The following KCNV2 variants were observed in gnomAD, a reference collection of about 807,000 sequenced individuals.
KCNV2 encodes the protein potassium voltage-gated channel modifier subfamily V member 2.
In KCNV2, 65 loss-of-function variants were observed where a neutral mutation model predicts 37.0. That is an observed-to-expected ratio of 1.76 (90% CI 1.44 to 2.16). KCNV2 has a LOEUF of 2.16. Among genes scored for constraint, KCNV2 ranks in the 30% most tolerant of loss-of-function variants. KCNV2 has a pLI of 0.00. For missense variants in KCNV2, 1,232 were observed against 766.7 expected (o/e 1.61, Z -7.17); for synonymous variants, 518 against 328.6 (o/e 1.58, Z -6.23).
rs1239404643 is a variant in KCNV2, at chr9:2,718,222, C to G, written c.483C>G (p.Val161=). 7 of 1,613,426 alleles carry G rather than the reference C, an allele frequency of 4.3e-6. No individual in the cohort carries two copies. The highest frequency in any genetic ancestry group is 1.6e-4 in the Middle Eastern group (1 of 6,084). The part of the protein sequence containing the change: ...FDRDPAVFQL[V]YNFYLSGVLL... ...GCGACCCGGCCGTCTTCCAGCTGGT[C>G]TACAATTTCTACCTGTCCGGGGTGC... The change falls in exon 1 of 2, where the codon GTC becomes GTG. Residue 161 remains valine (V), a synonymous_variant. Transcript: ENST00000382082.
At position 2,717,823 on chromosome 9, in the gene KCNV2, G is replaced by T. The variant is rs781326115; in HGVS notation, c.84G>T (p.Arg28Ser). The T allele has an allele frequency of 7.4e-6, 12 of 1,614,132 alleles. No homozygotes were observed. In the South Asian group the frequency reaches 7.7e-5, roughly 10 times the overall value. ...AGAATGAGGGCAGCCAACACCGCAG[G>T]AGCATTTGCTCCCTGGGTGCCCGTT... is the stretch of plus-strand genomic sequence containing the variant. Reference protein sequence around the residue: ...TTENEGSQHRRSICSLGARSG... With the variant: ...TTENEGSQHRSSICSLGARSG... Residue 28 changes from arginine to serine, a missense_variant, in exon 1 of 2, where the codon AGG (arginine) becomes AGT (serine). Arg to Ser is a moderately radical substitution (Grantham distance 110). Transcript: ENST00000382082.
rs751529297 is a variant in KCNV2, at chr9:2,718,178, G to A, written c.439G>A (p.Asp147Asn). 1.9e-6 allele frequency: 3 copies of A among 1,613,328 alleles called. No individual in the cohort carries two copies. The highest frequency in any genetic ancestry group is 2.2e-5 in the South Asian group (2 of 90,946). ...SLCDDYEEQT[D>N]EYFFDRDPAV... is the part of the protein sequence containing the mutation. Reference sequence around the variant, plus strand: ...GTGCGACGACTACGAGGAGCAGACAGACGAATACTTCTTCGACCGCGACCC... The same window carrying A: ...GTGCGACGACTACGAGGAGCAGACAAACGAATACTTCTTCGACCGCGACCC... Residue 147 changes from aspartate to asparagine, a missense_variant, in exon 1 of 2, where the codon GAC becomes AAC. By Grantham distance (23) the Asp-to-Asn change is conservative (BLOSUM62 1). Coordinates refer to ENST00000382082, the MANE Select transcript of KCNV2 (RefSeq NM_133497.4).
chr9:2,724,675 G>A (rs546405000), intron 1 of KCNV2, among the ~76,000 whole-genome samples: 1 of 152,346 alleles, frequency 6.6e-6, no homozygotes, highest in Admixed American at 6.5e-5. Flanking sequence ...AAAAATGCCT[G>A]AACCATAGCT....
At chr9:2,725,373 G>C (rs1041694937) in intron 1 of KCNV2, among the ~76,000 whole-genome samples, 4 of 152,180 alleles carry the variant, frequency 2.6e-5, no homozygotes, top group Non-Finnish European at 5.9e-5. Flanking sequence ...TACCTTCAGA[G>C]TTTGTGACAC....
chr9:2,728,815 A>AT (rs767723433), intron 1 of KCNV2, among the ~76,000 whole-genome samples: 3 of 151,476 alleles, frequency 2.0e-5, no homozygotes, highest in Non-Finnish European at 4.4e-5. Flanking sequence ...TCAGTGCTTT[A>AT]TATTCATTTT....
chr9:2,728,058 T>C (rs1586692056), intron 1 of KCNV2, among the ~76,000 whole-genome samples: 1 of 152,304 alleles, frequency 6.6e-6, no homozygotes, highest in East Asian at 1.9e-4. Flanking sequence ...CCTTCCTTTT[T>C]TCGTGGGCTG....
Position 2,717,613 on chromosome 9 carries a change from T to C in KCNV2, c.-127T>C. 1 of 1,221,888 alleles carries C rather than the reference T, an allele frequency of 8.2e-7. No homozygotes were observed. The highest frequency in any genetic ancestry group is 1.3e-5 in the South Asian group (1 of 78,818). The allele number at this position is 1,221,888 out of a possible 1,614,324, so 75.7% of individuals were successfully genotyped here. A position where few individuals can be genotyped will look rare whatever the true frequency, so the allele number is the denominator to read the frequency against. ...GTGGCAATGTCTGAGCCCCTAGCTG[T>C]GCTGGTCCGGGCTGGCCTCTCTAAG... On this transcript the variant is annotated 5_prime_UTR_variant, in exon 1 of 2. Transcript: ENST00000382082.
intron 1 of KCNV2, among the ~76,000 whole-genome samples, chr9:2,721,913 G>A (rs796506327): frequency 1.2e-4 from 18 of 152,064 alleles, no homozygotes; most frequent in African/African-American, 2.9e-4. Context: ...AATCTGAGAA[G>A]AGGATTCCTA....
rs539795846 is a variant in KCNV2 at position 2,720,567 on chromosome 9, C to T, written c.1356+1472C>T. Reference sequence around the variant, plus strand: ...ATAAACCATGTGTACAGATGAGGCTCATGGTTGATGATTTGTCCCCAGCAA... The same window carrying T: ...ATAAACCATGTGTACAGATGAGGCTTATGGTTGATGATTTGTCCCCAGCAA... On this transcript the variant is annotated intron_variant, in intron 1 of 1. Coordinates refer to ENST00000382082, the MANE Select transcript of KCNV2 (RefSeq NM_133497.4). 2.0e-5 allele frequency: 3 copies of T among 152,296 alleles called. No individual in the cohort carries two copies. In the East Asian group the frequency reaches 5.8e-4, roughly 29 times the overall value. 9.4% of individuals were successfully genotyped at this position (152,296 alleles called of 1,614,324 possible).
chr9:2,728,802 T>G (rs1820010005), intron 1 of KCNV2, among the ~76,000 whole-genome samples: 1 of 152,032 alleles, frequency 6.6e-6, no homozygotes, highest in East Asian at 1.9e-4. Flanking sequence ...CCTGGTACTG[T>G]GTTCAGTGCT....
In KCNV2 at chr9:2,717,881, G is replaced by C. The variant is rs748514237; in HGVS notation, c.142G>C (p.Glu48Gln). ...CCAGGCCAGCATCCACGGCTGGACAGAGGGCAACTATAACTACTACATCGA... is the reference window on the plus strand; with the variant it reads ...CCAGGCCAGCATCCACGGCTGGACACAGGGCAACTATAACTACTACATCGA... ...GSQASIHGWTEGNYNYYIEED... is the reference protein window; with the variant it reads ...GSQASIHGWTQGNYNYYIEED... Residue 48 changes from glutamate (E) to glutamine (Q), a missense_variant, in exon 1 of 2, where the codon GAG (glutamate) becomes CAG (glutamine). By Grantham distance (29) the Glu-to-Gln change is conservative (BLOSUM62 2). Coordinates refer to ENST00000382082, the MANE Select transcript of KCNV2 (RefSeq NM_133497.4). 5 of 1,614,104 alleles carry C rather than the reference G, an allele frequency of 3.1e-6. No individual in the cohort carries two copies. The Admixed American group carries it at 6.7e-5, about 22-fold the overall frequency.
chr9:2,718,517 A>G lies in KCNV2; in HGVS notation c.778A>G (p.Lys260Glu), dbSNP rs139027297. The G allele has an allele frequency of 1.5e-5, 24 of 1,610,968 alleles. No homozygotes were observed. Among genetic ancestry groups the G allele is most frequent in the Admixed American group, 5.0e-5 (3 of 59,760 alleles). The change falls in exon 1 of 2, where the codon AAG (lysine) becomes GAG (glutamate). Residue 260 changes from lysine (K) to glutamate (E), a missense_variant. Coordinates refer to ENST00000382082, the MANE Select transcript of KCNV2 (RefSeq NM_133497.4). ...GAAGCCATTCTCCTCGGTGGCCGCCAAGGCCATCGGGGTGGCCTCCAGCAC... is the reference window on the plus strand; with the variant it reads ...GAAGCCATTCTCCTCGGTGGCCGCCGAGGCCATCGGGGTGGCCTCCAGCAC... ...MEKPFSSVAA[K>E]AIGVASSTFV... is the part of the protein sequence containing the mutation.
chr9:2,717,559 T>C lies in KCNV2; in HGVS notation c.-181T>C, dbSNP rs1366343828. On this transcript the variant is annotated 5_prime_UTR_variant, in exon 1 of 2. Coordinates refer to ENST00000382082, the MANE Select transcript of KCNV2 (RefSeq NM_133497.4). ...TCAGACCCTGCAGGCTGGGCTGGCC[T>C]GCCCAGGACCTGAGAAGGGGCAGCT... is the stretch of plus-strand genomic sequence containing the variant. 8.6e-6 allele frequency: 6 copies of C among 699,060 alleles called. No homozygotes were observed. In the East Asian group the frequency reaches 1.4e-4, roughly 16 times the overall value. 43.3% of individuals were successfully genotyped at this position (699,060 alleles called of 1,614,324 possible).
At chr9:2,727,596 G>A (rs919502216) in intron 1 of KCNV2, among the ~76,000 whole-genome samples, 1 of 152,108 alleles carries the variant, frequency 6.6e-6, no homozygotes, top group Non-Finnish European at 1.5e-5. Context: ...CAGCCTGAGG[G>A]TCTGATAAGC....
In KCNV2 at chr9:2,718,684, C is replaced by A; in HGVS notation, c.945C>A (p.Leu315=). Residue 315 remains leucine (L), a synonymous_variant, in exon 1 of 2, where the codon CTC becomes CTA. Transcript: ENST00000382082. ...TGCTGTGCATGGGCTTCTTCACGCTCGAGTACCTGCTGCGCCTAGCCTCCA... is the reference window on the plus strand; with the variant it reads ...TGCTGTGCATGGGCTTCTTCACGCTAGAGTACCTGCTGCGCCTAGCCTCCA... ...VEMLCMGFFT[L]EYLLRLASTP... The A allele has an allele frequency of 2.5e-6, 4 of 1,613,346 alleles. No homozygotes were observed. Among genetic ancestry groups the A allele is most frequent in the Non-Finnish European group, 3.4e-6 (4 of 1,179,854 alleles).
chr9:2,720,785 G>C (rs1040363954), intron 1 of KCNV2, among the ~76,000 whole-genome samples: 5 of 152,132 alleles, frequency 3.3e-5, no homozygotes, highest in Admixed American at 3.3e-4. Context: ...TCGACCTTTT[G>C]TATATTAACA....
chr9:2,719,913 CT>C (rs891725068), intron 1 of KCNV2, among the ~76,000 whole-genome samples: 1 of 152,214 alleles, frequency 6.6e-6, no homozygotes, highest in African/African-American at 2.4e-5. Context: ...TGGCCTTTGC[CT>C]TTTTATAACT....
In KCNV2 at chr9:2,729,507, T is replaced by G. The variant is rs1256190004; in HGVS notation, c.1418T>G (p.Phe473Cys). The G allele has an allele frequency of 1.2e-6, 2 of 1,614,154 alleles. No homozygotes were observed. The highest frequency in any genetic ancestry group is 3.3e-5 in the Admixed American group (2 of 60,022). Reference protein sequence around the residue: ...MYPETHLGRFFAFLCIAFGII... With the variant: ...MYPETHLGRFCAFLCIAFGII... ...CCAGAGACCCACCTGGGCAGGTTTT[T>G]TGCCTTCCTCTGCATTGCTTTTGGG... Residue 473 changes from phenylalanine (F) to cysteine (C), a missense_variant, in exon 2 of 2, where the codon TTT becomes TGT. Physicochemically the swap from Phe to Cys is radical, Grantham distance 205 (BLOSUM62 -2). Transcript: ENST00000382082.
Position 2,718,258 on chromosome 9 carries a change from C to G in KCNV2, c.519C>G (p.Leu173=). 4 of 1,612,918 alleles carry G rather than the reference C, an allele frequency of 2.5e-6. No homozygotes were observed. The highest frequency in any genetic ancestry group is 3.4e-6 in the Non-Finnish European group (4 of 1,179,934). The change falls in exon 1 of 2, where the codon CTC becomes CTG. Residue 173 remains leucine (L), a synonymous_variant. Transcript: ENST00000382082. ...NFYLSGVLLV[L]DGLCPRRFLE... ...ACCTGTCCGGGGTGCTGCTGGTGCT[C>G]GACGGGCTGTGTCCGCGCCGCTTCC...
Sources: allele counts gnomAD v4.1 joint callset (sites outside exome capture counted in the v4.1 genomes callset), GRCh38; gene constraint gnomAD v4.1.1; transcripts MANE v1.5; gene names NCBI Gene and HGNC (gene_info 2026-07-23, HGNC 2026-07-21).